ZNF282: variants seen among roughly 807,000 people sequenced by gnomAD.
ZNF282 encodes HTLV-I U5 repressive element-binding protein 1.
ZNF282 carries 30 observed loss-of-function variants against 61.9 expected under a neutral mutation model. The observed-to-expected ratio is 0.48, with a 90% CI of 0.36 to 0.66. The LOEUF (loss-of-function observed/expected upper bound fraction) is 0.66. Among genes scored for constraint, ZNF282 ranks in the 30% least tolerant of loss-of-function variants. The pLI is 0.00. For synonymous variants in ZNF282, 396 were observed against 405.0 expected (o/e 0.98, Z 0.27); for missense variants, 788 against 941.4 (o/e 0.84, Z 2.13).
In ZNF282 at chr7:149,198,440, G is replaced by T; in HGVS notation, c.273G>T (p.Leu91Phe). 1 of 1,614,202 alleles carries T rather than the reference G, an allele frequency of 6.2e-7. No individual in the cohort carries two copies. The highest frequency in any genetic ancestry group is 8.5e-7 in the Non-Finnish European group (1 of 1,180,038). ...ACCGCATGATGCGAGAGCCCCAGTT[G>T]CCCACAGCAGAGATCTCACTCTGGA... ...FPDRMMREPQ[L>F]PTAEISLWTV... Residue 91 changes from leucine (L) to phenylalanine (F), a missense_variant, in exon 2 of 8, where the codon TTG becomes TTT. This residue lies in a region of ZNF282 where 137 missense variants were observed against 135.4 expected (regional missense o/e 1.01). Transcript: ENST00000610704. This position sits in a 1 kb window ranked among gnomAD's most constrained non-coding sequence, Gnocchi z 4.3.
intron 1 of ZNF282, among the ~76,000 whole-genome samples, chr7:149,196,163 C>A (rs1282628423): frequency 6.6e-6 from 1 of 152,268 alleles, no homozygotes; most frequent in South Asian, 2.1e-4. Context: ...ATGCCTCGTT[C>A]GTGTTTACAC....
chr7:149,218,301 A>AGAAAG (rs1348148236), intron 7 of ZNF282, among the ~76,000 whole-genome samples: 3 of 151,958 alleles, frequency 2.0e-5, no homozygotes, highest in African/African-American at 7.3e-5. Flanking sequence ...GCACAGGGAG[A>AGAAAG]GAAAGGACAG....
chr7:149,211,026 A>C (rs1172492475), intron 5 of ZNF282, among the ~76,000 whole-genome samples: 2 of 152,188 alleles, frequency 1.3e-5, no homozygotes, highest in Non-Finnish European at 2.9e-5. Context: ...GTAAGGCTTC[A>C]TGGGTGGGGG....
Position 149,195,605 on chromosome 7 carries a change from A to G in ZNF282, c.16A>G (p.Thr6Ala), listed in dbSNP as rs759984125. The G allele has an allele frequency of 1.9e-6, 3 of 1,611,018 alleles. No homozygotes were observed. Among genetic ancestry groups the G allele is most frequent in the Non-Finnish European group, 2.5e-6 (3 of 1,178,950 alleles). Residue 6 changes from threonine to alanine, a missense_variant, in exon 1 of 8, where the codon ACA becomes GCA. This residue lies in a region of ZNF282 where 137 missense variants were observed against 135.4 expected (regional missense o/e 1.01). Coordinates refer to ENST00000610704, the MANE Select transcript of ZNF282 (RefSeq NM_003575.4). The stretch of plus-strand genomic sequence containing the variant: ...CACTCCCAGGATGCAGTTTGTGTCA[A>G]CACGGCCGCAGCCTCAGCAGCTGGG... MQFVS[T>A]RPQPQQLGIQ...
chr7:149,205,298 C>T (rs1384816405), intron 2 of ZNF282, among the ~76,000 whole-genome samples: 1 of 151,706 alleles, frequency 6.6e-6, no homozygotes, highest in Non-Finnish European at 1.5e-5. Context: ...ATTAGCCGGG[C>T]GTGGTGGCAA....
At chr7:149,211,480 C>T (rs938765539) in intron 5 of ZNF282, among the ~76,000 whole-genome samples, 1 of 152,084 alleles carries the variant, frequency 6.6e-6, no homozygotes, top group African/African-American at 2.4e-5. Context: ...CCGCCCACAT[C>T]ATAGAGGGCA....
chr7:149,223,909 GC>G lies in ZNF282; in HGVS notation c.1282del (p.Gln428ArgfsTer139). On this transcript the variant is annotated frameshift_variant, in exon 8 of 8. Transcript: ENST00000610704. LOFTEE classifies it low-confidence loss of function (END_TRUNC). ...PQPQLQSQPQPQSLPPIAVAE... is the reference protein window; with the variant it reads ...PQPQLQSQPQXQSLPPIAVAE... ...AGCCGCAGCTGCAGTCGCAGCCCCA[GC>G]CCCAGAGCCTGCCCCCCATCGCGGT... The G allele has an allele frequency of 7.3e-7, 1 of 1,371,052 alleles. No homozygotes were observed. The highest frequency in any genetic ancestry group is 9.4e-7 in the Non-Finnish European group (1 of 1,065,846). The allele number at this position is 1,371,052 out of a possible 1,614,324, so 84.9% of individuals were successfully genotyped here.
chr7:149,200,067 A>C (rs1239622232), intron 2 of ZNF282, among the ~76,000 whole-genome samples: 1 of 152,166 alleles, frequency 6.6e-6, no homozygotes, highest in Non-Finnish European at 1.5e-5. Context: ...ATGTCTCTTA[A>C]GTCTTTTTTA....
chr7:149,205,862 G>A (rs1323366103), intron 2 of ZNF282, among the ~76,000 whole-genome samples: 1 of 152,310 alleles, frequency 6.6e-6, no homozygotes, highest in African/African-American at 2.4e-5. Context: ...ATTTCAGACC[G>A]AGAGTGAAAG....
intron 2 of ZNF282, among the ~76,000 whole-genome samples, chr7:149,205,695 C>T (rs368719522): frequency 6.6e-6 from 1 of 152,174 alleles, no homozygotes; most frequent in Non-Finnish European, 1.5e-5. Flanking sequence ...CATAAAGGTG[C>T]TGCCCACTCA....
intron 6 of ZNF282, 78 bp downstream of exon 6, chr7:149,212,549 GT>G: frequency 8.6e-7 from 1 of 1,165,576 alleles, no homozygotes; most frequent in Non-Finnish European, 1.2e-6. Flanking sequence ...AATTTATTGT[GT>G]TTATGCAGCT....
intron 1 of ZNF282, among the ~76,000 whole-genome samples, chr7:149,197,881 G>C (rs1274187598): frequency 6.6e-6 from 1 of 152,246 alleles, no homozygotes; most frequent in Non-Finnish European, 1.5e-5. Context: ...TCATCTTTAA[G>C]GCAGAGATCA....
intron 2 of ZNF282, 133 bp from the exon 3 acceptor site, chr7:149,206,563 C>A (rs1225082101): frequency 3.8e-6 from 5 of 1,304,504 alleles, no homozygotes; most frequent in Non-Finnish European, 5.4e-6. Flanking sequence ...CTGAGATGGA[C>A]AGTGGGGACT....
intron 5 of ZNF282, among the ~76,000 whole-genome samples, chr7:149,211,520 A>G (rs1006127923): frequency 6.6e-6 from 1 of 152,182 alleles, no homozygotes; most frequent in Non-Finnish European, 1.5e-5. Flanking sequence ...ACTGACTTAC[A>G]TGTTCAAATC....
rs1319821240 is a variant in ZNF282 at position 149,226,110 on chromosome 7, C to T, written c.*1463C>T. On this transcript the variant is annotated 3_prime_UTR_variant, in exon 8 of 8. Coordinates refer to ENST00000610704, the MANE Select transcript of ZNF282 (RefSeq NM_003575.4). ...CCCTCATCTACGCTGCTCCGCTTTC[C>T]TCAGACCCCTTTTTGCCGTGCAAAG... The T allele has an allele frequency of 6.5e-6, 1 of 152,710 alleles. No homozygotes were observed. Among genetic ancestry groups the T allele is most frequent in the Non-Finnish European group, 1.5e-5 (1 of 68,062 alleles). The allele number at this position is 152,710 out of a possible 1,614,324, so 9.5% of individuals were successfully genotyped here.
intron 2 of ZNF282, among the ~76,000 whole-genome samples, chr7:149,199,367 G>C (rs1386215059): frequency 6.6e-6 from 1 of 152,104 alleles, no homozygotes; most frequent in Non-Finnish European, 1.5e-5. Context: ...CACAGACTCT[G>C]CTTTCCCTTG....
At chr7:149,210,756 G>A (rs1563178180) in intron 5 of ZNF282, 52 bp downstream of exon 5, 2 of 1,488,082 alleles carry the variant, frequency 1.3e-6, no homozygotes, top group Non-Finnish European at 1.8e-6. Flanking sequence ...GAGGGGAGAG[G>A]GTTAGCATGG....
intron 1 of ZNF282, among the ~76,000 whole-genome samples, 155 bp downstream of exon 1, chr7:149,195,909 G>C (rs1165206934): frequency 2.7e-5 from 4 of 147,922 alleles, no homozygotes; most frequent in South Asian, 2.1e-4. Context: ...GCACGGCCGG[G>C]CTGCGCGGCG....
chr7:149,200,160 C>T (rs902949564), intron 2 of ZNF282, among the ~76,000 whole-genome samples: 4 of 152,296 alleles, frequency 2.6e-5, no homozygotes, highest in Admixed American at 6.5e-5. Context: ...TTTTGCATCT[C>T]GCTGTCTGGA....
Sources: gnomAD v4.1 joint callset for allele counts (sites outside exome capture counted in the v4.1 genomes callset) on GRCh38, gnomAD v4.1.1 for gene constraint, gnomAD v4.1.1 regional missense constraint, Gnocchi (gnomAD v3.1) non-coding constraint, MANE v1.5 for transcripts, NCBI Gene and HGNC (gene_info 2026-07-23, HGNC 2026-07-21) for gene names.